PRDM2: variants seen among roughly 807,000 people sequenced by gnomAD.
The protein encoded by PRDM2 is PR/SET domain 2.
In PRDM2, 30 loss-of-function variants were observed where a neutral mutation model predicts 130.0. The observed-to-expected ratio is 0.23, with a 90% confidence interval of 0.17 to 0.31. PRDM2 has a LOEUF of 0.31. Among genes scored for constraint, PRDM2 ranks in the 10% least tolerant of loss-of-function variants. The pLI is 1.00. For synonymous variants in PRDM2, 871 were observed against 782.4 expected (o/e 1.11, Z -1.89); for missense variants, 2,011 against 2,108.4 (o/e 0.95, Z 0.90).
intron 4 of PRDM2, among the ~76,000 whole-genome samples, chr1:13,735,350 C>T (rs903089421): frequency 2.0e-5 from 3 of 152,190 alleles, no homozygotes; most frequent in African/African-American, 4.8e-5. Context: ...AGCTAGCTGG[C>T]GCTCGGGACT....
intron 2 of PRDM2, among the ~76,000 whole-genome samples, chr1:13,726,231 C>CTTA (rs1412595452): frequency 6.6e-6 from 1 of 152,208 alleles, no homozygotes; most frequent in Non-Finnish European, 1.5e-5. Flanking sequence ...ATGTAAAGTG[C>CTTA]TTAGCACAGA....
chr1:13,777,050 T>C (rs541184073), intron 7 of PRDM2, among the ~76,000 whole-genome samples: 50 of 152,324 alleles, frequency 3.3e-4, no homozygotes, highest in African/African-American at 1.1e-3. Flanking sequence ...ACGTCTGAAG[T>C]AAGCTCTTGA....
At chr1:13,738,580 T>C (rs1476177908) in intron 4 of PRDM2, among the ~76,000 whole-genome samples, 1 of 152,228 alleles carries the variant, frequency 6.6e-6, no homozygotes, top group Non-Finnish European at 1.5e-5. Context: ...AAGCTATTTA[T>C]TTTTTAAACT....
chr1:13,727,947 G>A (rs1470881460), intron 2 of PRDM2, among the ~76,000 whole-genome samples: 1 of 152,078 alleles, frequency 6.6e-6, no homozygotes, highest in Admixed American at 6.5e-5. Context: ...AGAATTTTTT[G>A]AAAACATTCC....
Position 13,816,715 on chromosome 1 carries a change from G to C in PRDM2, c.*23+145G>C, listed in dbSNP as rs1292500645. On this transcript the variant is annotated intron_variant, in intron 9 of 9. Transcript: ENST00000311066. ...AGGCACGGTGCAGGGCCTCCCTCCA[G>C]GAGGGCACTTAGCTGAGTGCAGACT... 4.4e-6 allele frequency: 5 copies of C among 1,143,822 alleles called. No homozygotes were observed. In the African/African-American group the frequency reaches 7.8e-5, roughly 18 times the overall value. The allele number at this position is 1,143,822 out of a possible 1,614,324, so 70.9% of individuals were successfully genotyped here. A position where few individuals can be genotyped will look rare whatever the true frequency, so the allele number is the denominator to read the frequency against.
At chr1:13,790,586 A>G (rs777686494) in intron 8 of PRDM2, among the ~76,000 whole-genome samples, 14 of 152,168 alleles carry the variant, frequency 9.2e-5, no homozygotes, top group Non-Finnish European at 1.9e-4. Context: ...CCTTGAATAC[A>G]CAGTATTATG....
At chr1:13,798,977 C>T (rs549993069) in intron 8 of PRDM2, among the ~76,000 whole-genome samples, 134 of 152,200 alleles carry the variant, frequency 8.8e-4, no homozygotes, top group Non-Finnish European at 1.6e-3. Flanking sequence ...GTATCGCTTG[C>T]CTTGGAGATT....
intron 6 of PRDM2, among the ~76,000 whole-genome samples, chr1:13,759,596 A>G (rs1487179537): frequency 1.3e-5 from 2 of 152,296 alleles, no homozygotes; most frequent in South Asian, 2.1e-4. Flanking sequence ...GAGAGTTCCT[A>G]CTGTCCACCT....
At chr1:13,763,860 C>CT (rs1169655256) in intron 6 of PRDM2, among the ~76,000 whole-genome samples, 3 of 152,062 alleles carry the variant, frequency 2.0e-5, no homozygotes, top group Non-Finnish European at 4.4e-5. Flanking sequence ...TGTATATCCT[C>CT]TTGATTTTCC....
rs755144932 is a variant in PRDM2, at chr1:13,812,000, G to A, written c.5037-4427G>A. On this transcript the variant is annotated intron_variant, in intron 8 of 9. Transcript: ENST00000311066. ...CAGGGTGAACACAGAGTGCGTGAGGGGACTGGGAGGGTCGCAAGCAGGTGC... is the reference window on the plus strand; with the variant it reads ...CAGGGTGAACACAGAGTGCGTGAGGAGACTGGGAGGGTCGCAAGCAGGTGC... Among the ~76,000 whole-genome samples the A allele has an allele frequency of 7.2e-5, 11 of 152,228 alleles. 1 individual carries two copies. Among genetic ancestry groups the A allele is most frequent in the Admixed American group, 1.3e-4 (2 of 15,284 alleles).
intron 4 of PRDM2, chr1:13,738,646 A>G (rs1371562296): frequency 2.0e-5 from 3 of 152,206 alleles, no homozygotes; most frequent in South Asian, 2.1e-4. Flanking sequence ...TCCTCTGACA[A>G]GTGGGCTTAT....
At chr1:13,710,261 G>C (rs1319285954) in intron 1 of PRDM2, among the ~76,000 whole-genome samples, 1 of 152,206 alleles carries the variant, frequency 6.6e-6, no homozygotes, top group Non-Finnish European at 1.5e-5. Flanking sequence ...CCCAGGGAAA[G>C]GGCTGTCCCA....
Position 13,717,134 on chromosome 1 carries a change from C to T in PRDM2, c.9+1520C>T, listed in dbSNP as rs116436582. Reference sequence around the variant, plus strand: ...CATATGTCATAAAAAACGAATCTGGCGAACACATGGGGCACATGCTTTCTA... The same window carrying T: ...CATATGTCATAAAAAACGAATCTGGTGAACACATGGGGCACATGCTTTCTA... On this transcript the variant is annotated intron_variant, in intron 2 of 9. Coordinates refer to ENST00000311066, the MANE Select transcript of PRDM2 (RefSeq NM_001393986.1). 3.8e-3 allele frequency among the ~76,000 whole-genome samples: 579 copies of T among 152,164 alleles called. 1 individual carries two copies. Among genetic ancestry groups the T allele is most frequent in the African/African-American group, 0.013 (558 of 41,508 alleles).
chr1:13,767,078 A>G (rs576881306), intron 6 of PRDM2, among the ~76,000 whole-genome samples: 17 of 152,272 alleles, frequency 1.1e-4, no homozygotes, highest in African/African-American at 3.4e-4. Flanking sequence ...AATGCTATAC[A>G]TAGTCTTAGA....
chr1:13,716,995 G>A (rs1171044271), intron 2 of PRDM2, among the ~76,000 whole-genome samples: 1 of 151,780 alleles, frequency 6.6e-6, no homozygotes. Flanking sequence ...AATTTAATTA[G>A]CTGGGCCAAG....
chr1:13,801,631 C>A (rs1162944499), intron 8 of PRDM2, among the ~76,000 whole-genome samples: 1 of 152,202 alleles, frequency 6.6e-6, no homozygotes, highest in Admixed American at 6.5e-5. Context: ...TCCTAAAGTT[C>A]TTGGGAAGAT....
chr1:13,823,055 T>C lies in PRDM2; in HGVS notation c.*24-104T>C, dbSNP rs185863648. On this transcript the variant is annotated intron_variant, in intron 9 of 9. Coordinates refer to ENST00000311066, the MANE Select transcript of PRDM2 (RefSeq NM_001393986.1). ...TTGCTCTATGTATGGTATGTTTCAA[T>C]AAACAGTTTAGTTACAAAATTAAGT... is the stretch of plus-strand genomic sequence containing the variant. 2.5e-4 allele frequency: 291 copies of C among 1,158,796 alleles called. 5 individuals are homozygous for C. The South Asian group carries it at 3.8e-3, about 15-fold the overall frequency. The allele number at this position is 1,158,796 out of a possible 1,614,324, so 71.8% of individuals were successfully genotyped here.
At chr1:13,712,583 C>T (rs145599728) in intron 1 of PRDM2, among the ~76,000 whole-genome samples, 152 of 152,102 alleles carry the variant, frequency 1.0e-3, no homozygotes, top group African/African-American at 3.4e-3. Flanking sequence ...GGTGAAACTC[C>T]GTCTCTACTA....
chr1:13,814,178 G>A (rs1645220053), intron 8 of PRDM2, among the ~76,000 whole-genome samples: 1 of 152,198 alleles, frequency 6.6e-6, no homozygotes, highest in Admixed American at 6.5e-5. Context: ...TGGGTCTCCT[G>A]GGGCACCAGC....
Sources: gnomAD v4.1 joint callset for allele counts (sites outside exome capture counted in the v4.1 genomes callset) on GRCh38, gnomAD v4.1.1 for gene constraint, MANE v1.5 for transcripts, NCBI Gene and HGNC (gene_info 2026-07-23, HGNC 2026-07-21) for gene names.